XRN1: variants seen among roughly 807,000 people sequenced by gnomAD.
XRN1 encodes strand-exchange protein 1 homolog.
In XRN1, 67 loss-of-function variants were observed where a neutral mutation model predicts 222.3. The ratio of observed to expected loss-of-function variants is 0.30; its 90% confidence interval spans 0.25 to 0.37. The LOEUF (loss-of-function observed/expected upper bound fraction) is 0.37. XRN1 is among the 10% of genes least tolerant of loss of function. The pLI is 1.00. For missense variants in XRN1, 1,707 were observed against 2,000.2 expected (o/e 0.85, Z 2.80); for synonymous variants, 643 against 652.4 (o/e 0.99, Z 0.22).
At chr3:142,423,320 T>C (rs2069114750) in intron 6 of XRN1, among the ~76,000 whole-genome samples, 1 of 152,118 alleles carries the variant, frequency 6.6e-6, no homozygotes, top group Admixed American at 6.6e-5. Context: ...ACACTAAAAT[T>C]AACTCAAAAT....
In XRN1 at chr3:142,425,546, T is replaced by C; in HGVS notation, c.407-8A>G. On this transcript the variant is annotated splice_polypyrimidine_tract_variant and splice_region_variant and intron_variant, in intron 3 of 40. Transcript: ENST00000392981. ...TGGCCATAAATTCAGTTCCTAAAAATAATGTTTTAAAAAGGTTAATCTAAG... is the reference window on the plus strand; with the variant it reads ...TGGCCATAAATTCAGTTCCTAAAAACAATGTTTTAAAAAGGTTAATCTAAG... 1 of 1,598,686 alleles carries C rather than the reference T, an allele frequency of 6.3e-7. No individual in the cohort carries two copies. Among genetic ancestry groups the C allele is most frequent in the Non-Finnish European group, 8.6e-7 (1 of 1,169,380 alleles).
chr3:142,402,181 CT>C (rs535300324), intron 18 of XRN1, among the ~76,000 whole-genome samples: 9 of 149,352 alleles, frequency 6.0e-5, no homozygotes, highest in African/African-American at 1.7e-4. Context: ...AATAGCCTTT[CT>C]TTTTTTTTTC....
At chr3:142,317,359 C>G (rs1204392408) in intron 39 of XRN1, among the ~76,000 whole-genome samples, 6 of 152,104 alleles carry the variant, frequency 3.9e-5, no homozygotes, top group South Asian at 4.1e-4. Context: ...TATTTTACAG[C>G]TTTTATCTTC....
intron 31 of XRN1, 28 bp downstream of exon 31, chr3:142,356,884 A>G (rs759196311): frequency 6.9e-6 from 11 of 1,595,896 alleles, no homozygotes; most frequent in Non-Finnish European, 7.7e-6. Context: ...AAAGGGGTAG[A>G]GGAGAAGTTA....
intron 15 of XRN1, chr3:142,407,675 A>C (rs2108046242): frequency 6.6e-6 from 1 of 151,820 alleles, no homozygotes; most frequent in East Asian, 1.9e-4. Context: ...GGAATGCTTC[A>C]TGAATTTGTA....
intron 32 of XRN1, among the ~76,000 whole-genome samples, chr3:142,348,831 G>T (rs2066224694): frequency 6.6e-6 from 1 of 152,146 alleles, no homozygotes; most frequent in Non-Finnish European, 1.5e-5. Context: ...TAGAGACAGG[G>T]ATCTTATTAT....
At position 142,398,243 on chromosome 3, in the gene XRN1, A is replaced by ATCAG. The variant is rs371307152; in HGVS notation, c.2208-787_2208-784dup. 3.2e-3 allele frequency among the ~76,000 whole-genome samples: 489 copies of ATCAG among 152,242 alleles called. 2 individuals are homozygous for ATCAG. The highest frequency in any genetic ancestry group is 9.7e-3 in the African/African-American group (401 of 41,548). On this transcript the variant is annotated intron_variant, in intron 19 of 40. Transcript: ENST00000392981. ...ACAGAGCAAGACCTTGTCTCTCCCA[A>ATCAG]TCAGTCAGTCAGTCAATAAAATTTA...
intron 20 of XRN1, among the ~76,000 whole-genome samples, chr3:142,391,274 A>C (rs1577349320): frequency 6.6e-6 from 1 of 152,204 alleles, no homozygotes. Flanking sequence ...AAGCACAATA[A>C]AACAAGGTAT....
At chr3:142,397,296 T>G in intron 20 of XRN1, 33 bp downstream of exon 20, 1 of 1,532,774 alleles carries the variant, frequency 6.5e-7, no homozygotes, top group Non-Finnish European at 8.8e-7. Flanking sequence ...GGATTTTAGT[T>G]CCATGATATT....
At chr3:142,360,646 C>T (rs1489138922) in intron 29 of XRN1, among the ~76,000 whole-genome samples, 8 of 151,536 alleles carry the variant, frequency 5.3e-5, no homozygotes, top group Middle Eastern at 3.4e-3. Context: ...AGGTGGATCA[C>T]GAGGTCAGGA....
intron 33 of XRN1, among the ~76,000 whole-genome samples, chr3:142,345,388 A>C (rs1043451703): frequency 1.3e-5 from 2 of 152,222 alleles, no homozygotes; most frequent in Non-Finnish European, 2.9e-5. Flanking sequence ...ACCATGTATA[A>C]ACTTTTACTC....
Position 142,312,670 on chromosome 3 carries a change from A to C in XRN1, c.4710T>G (p.Thr1570=). ...VPVPGKPFHH[T]LYSGTMPMAG... is the part of the protein sequence containing the mutation. ...CCATGGGCATGGTCCCAGAATATAA[A>C]GTATGATGGAAGGGCTTCCCAGGAA... Residue 1570 remains threonine, a synonymous_variant, in exon 40 of 41, where the codon ACT becomes ACG. Transcript: ENST00000392981. 6.2e-7 allele frequency: 1 copy of C among 1,613,984 alleles called. No individual in the cohort carries two copies.
chr3:142,379,566 C>G (rs2067240853), intron 23 of XRN1, among the ~76,000 whole-genome samples: 1 of 152,180 alleles, frequency 6.6e-6, no homozygotes, highest in African/African-American at 2.4e-5. Flanking sequence ...AGAACCTTCC[C>G]TCTATTTTAA....
At chr3:142,342,647 A>T (rs1406986578) in intron 33 of XRN1, among the ~76,000 whole-genome samples, 1 of 151,984 alleles carries the variant, frequency 6.6e-6, no homozygotes, top group African/African-American at 2.4e-5. Context: ...CACACATCTC[A>T]TTTTTGACAA....
At chr3:142,313,147 G>A in intron 39 of XRN1, 1 of 1,612,720 alleles carries the variant, frequency 6.2e-7, no homozygotes, top group Non-Finnish European at 8.5e-7. Context: ...TGCCCCCAAT[G>A]CATAGTTGCT....
At chr3:142,311,935 CT>C in intron 40 of XRN1, 122 bp from the exon 41 acceptor site, 2 of 962,920 alleles carry the variant, frequency 2.1e-6, no homozygotes, top group Non-Finnish European at 3.0e-6. Context: ...GTGACTTCCA[CT>C]TATAATTGCC....
intron 37 of XRN1, among the ~76,000 whole-genome samples, chr3:142,319,812 C>T (rs968089249): frequency 6.6e-6 from 1 of 152,082 alleles, no homozygotes; most frequent in Non-Finnish European, 1.5e-5. Flanking sequence ...CCCCCAGTTC[C>T]ATTAATGTTG....
intron 21 of XRN1, among the ~76,000 whole-genome samples, 199 bp from the exon 22 acceptor site, chr3:142,383,612 T>C (rs2067382871): frequency 6.6e-6 from 1 of 152,172 alleles, no homozygotes; most frequent in Non-Finnish European, 1.5e-5. Flanking sequence ...TTGAGTTCAT[T>C]TAATCCTCAT....
intron 32 of XRN1, among the ~76,000 whole-genome samples, chr3:142,353,403 T>C (rs1430815290): frequency 6.6e-6 from 1 of 152,202 alleles, no homozygotes; most frequent in African/African-American, 2.4e-5. Context: ...TCACATTACC[T>C]GACTTCACGT....
Sources: allele counts gnomAD v4.1 joint callset (sites outside exome capture counted in the v4.1 genomes callset), GRCh38; gene constraint gnomAD v4.1.1; transcripts MANE v1.5; gene names NCBI Gene and HGNC (gene_info 2026-07-23, HGNC 2026-07-21).